The following LYPLAL1 variants were observed in gnomAD, a reference collection of about 807,000 sequenced individuals.
LYPLAL1 encodes the protein lysophospholipase-like protein 1.
Under a neutral mutation model 19.7 loss-of-function variants are expected in LYPLAL1, and 23 were observed. That is an observed-to-expected ratio of 1.17 (90% CI 0.84 to 1.65). The LOEUF (loss-of-function observed/expected upper bound fraction) is 1.65. Among genes scored for constraint, LYPLAL1 ranks in the 40% most tolerant of loss-of-function variants. LYPLAL1 has a pLI of 0.00. For synonymous variants in LYPLAL1, 119 were observed against 96.3 expected, an observed-to-expected ratio of 1.24 and a Z score of -1.38; for missense variants, 355 against 279.4, an observed-to-expected ratio of 1.27 and a Z score of -1.93.
At chr1:219,350,125 T>G in the LYPLAL1 span, among the ~76,000 whole-genome samples, 1 of 152,194 alleles carries the variant, frequency 6.6e-6, no homozygotes, top group Non-Finnish European at 1.5e-5. Context: ...TGGATAGAGA[T>G]GGATAGAGTG....
the LYPLAL1 span, among the ~76,000 whole-genome samples, chr1:219,348,511 A>C: frequency 3.7e-4 from 56 of 152,350 alleles, no homozygotes; most frequent in African/African-American, 1.3e-3. Context: ...ATAGATTTTC[A>C]AGAAAGAATA....
the LYPLAL1 span, among the ~76,000 whole-genome samples, chr1:219,284,060 A>G: frequency 6.6e-6 from 1 of 152,144 alleles, no homozygotes; most frequent in Non-Finnish European, 1.5e-5. Flanking sequence ...ATAGTGAGTA[A>G]GTTCTCAGGA....
At chr1:219,380,670 G>A in the LYPLAL1 span, among the ~76,000 whole-genome samples, 1 of 152,200 alleles carries the variant, frequency 6.6e-6, no homozygotes, top group South Asian at 2.1e-4. Context: ...TTGCACAATG[G>A]TCTGAAATCT....
At chr1:219,259,646 G>A in the LYPLAL1 span, among the ~76,000 whole-genome samples, 1 of 151,490 alleles carries the variant, frequency 6.6e-6, no homozygotes, top group East Asian at 1.9e-4. Context: ...GGGGGGAAGG[G>A]TTGGAGAGAA....
At chr1:219,432,283 C>A in the LYPLAL1 span, among the ~76,000 whole-genome samples, 1 of 152,188 alleles carries the variant, frequency 6.6e-6, no homozygotes, top group Non-Finnish European at 1.5e-5. Flanking sequence ...CAATGAACAT[C>A]TTTCAGCATA....
the LYPLAL1 span, among the ~76,000 whole-genome samples, chr1:219,252,548 G>A: frequency 6.6e-6 from 1 of 152,086 alleles, no homozygotes; most frequent in African/African-American, 2.4e-5. Flanking sequence ...TAAGCATGTG[G>A]TTTTTGTCTT....
chr1:219,444,577 C>T, the LYPLAL1 span, among the ~76,000 whole-genome samples: 1 of 152,322 alleles, frequency 6.6e-6, no homozygotes, highest in African/African-American at 2.4e-5. Flanking sequence ...TGAAACAGTT[C>T]CTGTTCTATT....
At chr1:219,276,597 G>A in the LYPLAL1 span, among the ~76,000 whole-genome samples, 1 of 152,160 alleles carries the variant, frequency 6.6e-6, no homozygotes, top group Admixed American at 6.5e-5. Flanking sequence ...GCCCCTGGGG[G>A]TGGGCCATGT....
At chr1:219,369,885 C>T in the LYPLAL1 span, among the ~76,000 whole-genome samples, 1 of 152,188 alleles carries the variant, frequency 6.6e-6, no homozygotes, top group Non-Finnish European at 1.5e-5. Flanking sequence ...TTGCTTTGGA[C>T]TCAGGTAGGA....
At chr1:219,250,961 G>T in the LYPLAL1 span, among the ~76,000 whole-genome samples, 1 of 151,978 alleles carries the variant, frequency 6.6e-6, no homozygotes, top group African/African-American at 2.4e-5. Context: ...AATCTTGCCA[G>T]CATCTATTGT....
the LYPLAL1 span, among the ~76,000 whole-genome samples, chr1:219,364,047 T>G: frequency 6.6e-6 from 1 of 152,156 alleles, no homozygotes; most frequent in African/African-American, 2.4e-5. Context: ...TAATCTCTTC[T>G]TCAGCAAAAC....
the LYPLAL1 span, among the ~76,000 whole-genome samples, chr1:219,397,811 A>T: frequency 3.3e-5 from 5 of 152,240 alleles, no homozygotes; most frequent in East Asian, 9.7e-4. Flanking sequence ...TTTGCTTATG[A>T]ATCTTAGTTT....
At chr1:219,312,236 G>A in the LYPLAL1 span, among the ~76,000 whole-genome samples, 1 of 152,170 alleles carries the variant, frequency 6.6e-6, no homozygotes, top group East Asian at 1.9e-4. Flanking sequence ...GCTGCAGAGA[G>A]GTGGGAGAGG....
At chr1:219,208,499 C>A (rs968452864) in intron 3 of LYPLAL1, among the ~76,000 whole-genome samples, 1 of 151,804 alleles carries the variant, frequency 6.6e-6, no homozygotes, top group African/African-American at 2.4e-5. Flanking sequence ...GAAACCCATA[C>A]GGTTTCTAAA....
the LYPLAL1 span, among the ~76,000 whole-genome samples, chr1:219,375,409 TG>T: frequency 7.0e-6 from 1 of 143,874 alleles, no homozygotes; most frequent in South Asian, 2.2e-4. Context: ...GAGGTTGCAG[TG>T]AGCCAGGATC....
the LYPLAL1 span, among the ~76,000 whole-genome samples, chr1:219,227,175 G>C: frequency 6.6e-6 from 1 of 152,286 alleles, no homozygotes; most frequent in African/African-American, 2.4e-5. Context: ...AGAGATTTTG[G>C]TAAGCAACGC....
At chr1:219,279,411 T>A in the LYPLAL1 span, among the ~76,000 whole-genome samples, 3 of 152,162 alleles carry the variant, frequency 2.0e-5, no homozygotes, top group African/African-American at 7.2e-5. Flanking sequence ...GGAGCTTACT[T>A]CAGAATAATG....
At chr1:219,360,601 A>G in the LYPLAL1 span, among the ~76,000 whole-genome samples, 1 of 152,188 alleles carries the variant, frequency 6.6e-6, no homozygotes, top group Admixed American at 6.6e-5. Context: ...GGCCAGAATG[A>G]AAAGGATTTG....
chr1:219,174,279 A>G, intron 1 of LYPLAL1: 1 of 1,296,094 alleles, frequency 7.7e-7, no homozygotes, highest in Non-Finnish European at 9.9e-7. Flanking sequence ...TCCTCGCCCC[A>G]AGTTTAAACA....
Sources: gnomAD v4.1 joint callset for allele counts (sites outside exome capture counted in the v4.1 genomes callset) on GRCh38, gnomAD v4.1.1 for gene constraint, MANE v1.5 for transcripts, NCBI Gene and HGNC (gene_info 2026-07-23, HGNC 2026-07-21) for gene names.